Variants in FREM1 observed in about 807,000 individuals in gnomAD.
FREM1 encodes the protein FRAS1-related extracellular matrix protein 1.
In FREM1, 220 loss-of-function variants were observed where a neutral mutation model predicts 210.1. The ratio of observed to expected loss-of-function variants is 1.05; its 90% CI spans 0.94 to 1.17. FREM1 has a LOEUF of 1.17. Among genes scored for constraint, FREM1 ranks in the 50% most tolerant of loss-of-function variants. The pLI is 0.00. For synonymous variants in FREM1, 1,189 were observed against 980.2 expected (o/e 1.21, Z -3.98); for missense variants, 3,454 against 2,675.5 (o/e 1.29, Z -6.42).
intron 1 of FREM1, among the ~76,000 whole-genome samples, chr9:14,873,099 A>G (rs1833004847): frequency 6.6e-6 from 1 of 152,178 alleles, no homozygotes; most frequent in Non-Finnish European, 1.5e-5. Context: ...TTTTGTATCA[A>G]TGTTCATCAA....
intron 27 of FREM1, among the ~76,000 whole-genome samples, chr9:14,769,334 A>G (rs1210973791): frequency 2.0e-5 from 3 of 152,176 alleles, no homozygotes; most frequent in Non-Finnish European, 4.4e-5. Context: ...CCGACTGCAG[A>G]TATTTTAGAA....
In FREM1 at chr9:14,770,604, C is replaced by A; in HGVS notation, c.5059+1G>T. ...ATTGTAAGGATTAAGGAGGCCAGTA[C>A]CTGTTGTTGTGTTCTCCAGATGTCC... On this transcript the variant is annotated splice_donor_variant, in intron 26 of 36. Transcript: ENST00000380880. LOFTEE classifies it high-confidence loss of function. 1 of 1,607,698 alleles carries A rather than the reference C, an allele frequency of 6.2e-7. No homozygotes were observed. Among genetic ancestry groups the A allele is most frequent in the Non-Finnish European group, 8.5e-7 (1 of 1,174,800 alleles).
intron 35 of FREM1, among the ~76,000 whole-genome samples, chr9:14,743,546 T>C (rs1324770655): frequency 2.6e-5 from 4 of 152,082 alleles, no homozygotes; most frequent in Non-Finnish European, 5.9e-5. Context: ...GGAAAGATAT[T>C]TCTCAATACT....
Position 14,845,903 on chromosome 9 carries a change from A to G in FREM1, c.1393+57T>C, listed in dbSNP as rs373293982. On this transcript the variant is annotated intron_variant, in intron 8 of 36. Transcript: ENST00000380880. ...CTACATATATCTGTTAAATATATCT[A>G]CTTTTGAAGAAAATACTTTTGGATT... 17 of 1,580,956 alleles carry G rather than the reference A, an allele frequency of 1.1e-5. No homozygotes were observed. In the East Asian group the frequency reaches 3.4e-4, roughly 32 times the overall value.
intron 1 of FREM1, among the ~76,000 whole-genome samples, chr9:14,891,621 G>C (rs13294006): frequency 0.044 from 6,689 of 152,278 alleles, 196 homozygotes; most frequent in Non-Finnish European, 0.066. Flanking sequence ...ATATTTTATG[G>C]TATAGGACTA....
At chr9:14,796,710 C>A (rs1479834369) in intron 21 of FREM1, among the ~76,000 whole-genome samples, 1 of 152,146 alleles carries the variant, frequency 6.6e-6, no homozygotes, top group African/African-American at 2.4e-5. Context: ...TTCCCCTTTA[C>A]TGGGCACTTG....
At chr9:14,863,981 C>A in intron 2 of FREM1, 78 bp from the exon 3 acceptor site, 1 of 870,974 alleles carries the variant, frequency 1.1e-6, no homozygotes, top group Non-Finnish European at 1.9e-6. Context: ...GAGAGCACTG[C>A]CTGGAGAAAA....
At chr9:14,850,950 G>T (rs1827616333) in intron 6 of FREM1, among the ~76,000 whole-genome samples, 1 of 152,104 alleles carries the variant, frequency 6.6e-6, no homozygotes, top group African/African-American at 2.4e-5. Flanking sequence ...TACCAAAAAT[G>T]TATCATTTTC....
At chr9:14,890,464 A>G (rs752267747) in intron 1 of FREM1, among the ~76,000 whole-genome samples, 2 of 152,274 alleles carry the variant, frequency 1.3e-5, no homozygotes, top group Non-Finnish European at 2.9e-5. Flanking sequence ...ATATGAGCAT[A>G]TTAAAGATTC....
intron 1 of FREM1, among the ~76,000 whole-genome samples, chr9:14,909,540 G>T (rs900095993): frequency 1.3e-5 from 2 of 152,194 alleles, no homozygotes; most frequent in Non-Finnish European, 2.9e-5. Flanking sequence ...GATATTATCT[G>T]TTCTGTTCAT....
Position 14,747,285 on chromosome 9 carries a change from A to C in FREM1, c.5988T>G (p.Thr1996=). The change falls in exon 33 of 37, where the codon ACT becomes ACG. Residue 1996 remains threonine, a synonymous_variant. Transcript: ENST00000380880. Reference sequence around the variant, plus strand: ...ATACCTGTCTGGGGAAGTGTGAGTCAGTTGTGGATTCCACCTTATCTGCTT... The same window carrying C: ...ATACCTGTCTGGGGAAGTGTGAGTCCGTTGTGGATTCCACCTTATCTGCTT... ...LPQADKVEST[T]DSHFPRQDQL... The C allele has an allele frequency of 6.2e-7, 1 of 1,612,818 alleles. No homozygotes were observed. Among genetic ancestry groups the C allele is most frequent in the Non-Finnish European group, 8.5e-7 (1 of 1,179,468 alleles).
chr9:14,777,953 T>C (rs1004791538), intron 24 of FREM1, among the ~76,000 whole-genome samples: 6 of 152,196 alleles, frequency 3.9e-5, no homozygotes, highest in Non-Finnish European at 5.9e-5. Flanking sequence ...AATTATCTAG[T>C]TAATAAGACT....
intron 1 of FREM1, among the ~76,000 whole-genome samples, chr9:14,889,069 A>G (rs1313657707): frequency 6.6e-6 from 1 of 152,184 alleles, no homozygotes; most frequent in Non-Finnish European, 1.5e-5. Context: ...TGGGTGTACT[A>G]TAGTTGCTAT....
Position 14,755,366 on chromosome 9 carries a change from T to C in FREM1, c.5407+1008A>G, listed in dbSNP as rs145987492. On this transcript the variant is annotated intron_variant, in intron 29 of 36. Transcript: ENST00000380880. ...CTTTGCTCAACTCTTTATGAGTTAG[T>C]GGCAGATGATGTCAATAGTTCACAC... Among the ~76,000 whole-genome samples the C allele has an allele frequency of 2.0e-4, 30 of 152,340 alleles. No individual in the cohort carries two copies. In the East Asian group the frequency reaches 4.8e-3, roughly 25 times the overall value.
In FREM1 at chr9:14,784,428, C is replaced by T. The variant is rs1850094585; in HGVS notation, c.4384G>A (p.Gly1462Arg). The T allele has an allele frequency of 6.2e-7, 1 of 1,613,734 alleles. No homozygotes were observed. Among genetic ancestry groups the T allele is most frequent in the African/African-American group, 1.3e-5 (1 of 74,874 alleles). The stretch of plus-strand genomic sequence containing the variant: ...TTGTGTACATAGCAAACTGTCTGCC[C>T]CACTACATCCATTTGGCTGAAGTTT... ...ITNFSQMDVV[G>R]QTVCYVHKSK... Residue 1462 changes from glycine (G) to arginine (R), a missense_variant, in exon 24 of 37, where the codon GGG becomes AGG. Coordinates refer to ENST00000380880, the MANE Select transcript of FREM1 (RefSeq NM_001379081.2).
At chr9:14,738,902 C>T (rs1840903648) in intron 36 of FREM1, among the ~76,000 whole-genome samples, 1 of 147,152 alleles carries the variant, frequency 6.8e-6, no homozygotes, top group Non-Finnish European at 1.5e-5. Flanking sequence ...CCCAGCTACT[C>T]AGGTGGCTGA....
intron 1 of FREM1, among the ~76,000 whole-genome samples, chr9:14,898,124 A>C (rs1838073328): frequency 2.0e-5 from 3 of 152,216 alleles, no homozygotes; most frequent in African/African-American, 7.2e-5. Flanking sequence ...CCAGCCTGTT[A>C]ATCAGCTCTA....
intron 3 of FREM1, among the ~76,000 whole-genome samples, chr9:14,861,025 A>G: frequency 1.3e-5 from 1 of 75,660 alleles, no homozygotes; most frequent in African/African-American, 6.6e-5. Flanking sequence ...ATATACACAT[A>G]TATACATATA....
intron 1 of FREM1, among the ~76,000 whole-genome samples, chr9:14,884,742 T>G (rs1258232450): frequency 1.3e-5 from 2 of 152,092 alleles, no homozygotes; most frequent in Non-Finnish European, 2.9e-5. Flanking sequence ...GCTGTACAGC[T>G]CTCAATGCAA....
Sources: allele counts gnomAD v4.1 joint callset (sites outside exome capture counted in the v4.1 genomes callset), GRCh38; gene constraint gnomAD v4.1.1; transcripts MANE v1.5; gene names NCBI Gene and HGNC (gene_info 2026-07-23, HGNC 2026-07-21).